Variants in DIAPH2 observed in about 807,000 individuals in gnomAD.
DIAPH2 encodes the protein diaphanous related formin 2, also known as protein diaphanous homolog 2.
In DIAPH2, 35 loss-of-function variants were observed where a neutral mutation model predicts 92.7. That is an observed-to-expected ratio of 0.38 (90% confidence interval 0.29 to 0.50). The LOEUF (loss-of-function observed/expected upper bound fraction) is 0.50, where lower values mean the gene tolerates loss of function less well. Among genes scored for constraint, DIAPH2 ranks in the 20% least tolerant of loss-of-function variants. DIAPH2 has a pLI of 0.94. For synonymous variants in DIAPH2, 301 were observed against 280.4 expected (o/e 1.07, Z -0.73); for missense variants, 701 against 819.5 (o/e 0.86, Z 1.77).
chrX:97,097,552 A>G (rs1370132029), intron 19 of DIAPH2, among the ~76,000 whole-genome samples: 3 of 112,306 alleles, frequency 2.7e-5, no homozygotes, highest in African/African-American at 3.2e-5. Context: ...TAAAATAACA[A>G]AAGTTTCACA....
At chrX:97,241,405 C>A (rs2068092361) in intron 22 of DIAPH2, among the ~76,000 whole-genome samples, 1 of 110,451 alleles carries the variant, frequency 9.1e-6, no homozygotes, top group Non-Finnish European at 1.9e-5. Context: ...TCAAGCAATT[C>A]TCCTGCCTCA....
At chrX:97,065,519 A>G (rs1445664468) in intron 17 of DIAPH2, among the ~76,000 whole-genome samples, 1 of 111,805 alleles carries the variant, frequency 8.9e-6, no homozygotes, top group African/African-American at 3.3e-5. Flanking sequence ...GTTTGTGGTG[A>G]TGTTGTTGCA....
intron 22 of DIAPH2, among the ~76,000 whole-genome samples, chrX:97,230,273 A>G (rs1395679606): frequency 8.9e-6 from 1 of 112,096 alleles, no homozygotes; most frequent in Admixed American, 9.5e-5. Context: ...AATCAACCAT[A>G]ATTATTTTTA....
intron 23 of DIAPH2, among the ~76,000 whole-genome samples, chrX:97,287,302 C>T (rs1038374835): frequency 1.2e-4 from 13 of 105,653 alleles, no homozygotes; most frequent in African/African-American, 4.2e-4. Flanking sequence ...GAAACTCCGT[C>T]GGGAAAAAAA....
rs1175131103 is a variant in DIAPH2 at position 96,728,021 on chromosome X, G to A, written c.133-7737G>A. On this transcript the variant is annotated intron_variant, in intron 1 of 26. Coordinates refer to ENST00000324765, the MANE Select transcript of DIAPH2 (RefSeq NM_006729.5). ...ATCGTGCCACTGCACTCCAGCCTGG[G>A]TGACAGAGGGAGACTCCGTCTCAAA... Among the ~76,000 whole-genome samples the A allele has an allele frequency of 6.1e-5, 6 of 98,039 alleles. No homozygotes were observed. The Admixed American group carries it at 6.7e-4, about 11-fold the overall frequency. 85.1% of individuals were successfully genotyped at this position (98,039 alleles called of 115,157 possible).
At chrX:96,915,183 A>C (rs1259763574) in intron 7 of DIAPH2, among the ~76,000 whole-genome samples, 1 of 110,784 alleles carries the variant, frequency 9.0e-6, no homozygotes, top group Non-Finnish European at 1.9e-5. Context: ...TATATATTAA[A>C]AACTACTTAT....
intron 5 of DIAPH2, among the ~76,000 whole-genome samples, chrX:96,882,046 A>G (rs1273235707): frequency 1.3e-5 from 1 of 79,202 alleles, no homozygotes; most frequent in Non-Finnish European, 2.7e-5. Flanking sequence ...TTGCTCCATG[A>G]TTTTATTCTT....
At chrX:97,061,124 G>A (rs1430031006) in intron 17 of DIAPH2, among the ~76,000 whole-genome samples, 2 of 112,245 alleles carry the variant, frequency 1.8e-5, no homozygotes, top group African/African-American at 3.2e-5. Context: ...TAGGTTACAT[G>A]TTAAAATCAG....
chrX:97,041,666 A>G (rs986971782), intron 17 of DIAPH2, among the ~76,000 whole-genome samples: 19 of 111,774 alleles, frequency 1.7e-4, no homozygotes, highest in African/African-American at 6.2e-4. Flanking sequence ...ATATTTACAT[A>G]TCTTTGATGG....
At chrX:97,433,778 A>G (rs1286239882) in intron 26 of DIAPH2, among the ~76,000 whole-genome samples, 1 of 112,209 alleles carries the variant, frequency 8.9e-6, no homozygotes, top group Non-Finnish European at 1.9e-5. Context: ...AGATTTCCTT[A>G]GTTATAAGAC....
intron 4 of DIAPH2, among the ~76,000 whole-genome samples, chrX:96,815,665 C>T (rs1422550997): frequency 9.0e-6 from 1 of 110,903 alleles, no homozygotes; most frequent in Non-Finnish European, 1.9e-5. Context: ...TTGGAGAGCT[C>T]TCTGTTTTTT....
intron 4 of DIAPH2, among the ~76,000 whole-genome samples, chrX:96,816,798 C>A (rs771786787): frequency 1.2e-3 from 135 of 112,009 alleles, no homozygotes; most frequent in African/African-American, 4.2e-3. Context: ...GCACTATTTA[C>A]AATAGTGAAG....
intron 26 of DIAPH2, among the ~76,000 whole-genome samples, chrX:97,485,822 A>G (rs2070683932): frequency 1.8e-5 from 2 of 111,341 alleles, no homozygotes. Context: ...AATTTTCAGC[A>G]TGGCCTCATT....
chrX:97,317,177 C>T (rs2147648004), intron 23 of DIAPH2, among the ~76,000 whole-genome samples: 1 of 111,911 alleles, frequency 8.9e-6, no homozygotes, highest in South Asian at 3.8e-4. Context: ...GTTACAATGT[C>T]ATAATTTGTT....
intron 3 of DIAPH2, among the ~76,000 whole-genome samples, chrX:96,748,597 G>A (rs1296470772): frequency 8.9e-6 from 1 of 112,043 alleles, no homozygotes; most frequent in East Asian, 2.8e-4. Flanking sequence ...TGAGAAGAGA[G>A]CAGTGAACAA....
Position 97,354,839 on chromosome X carries a change from A to G in DIAPH2, c.3009+6559A>G, listed in dbSNP as rs181819191. On this transcript the variant is annotated intron_variant, in intron 24 of 26. Coordinates refer to ENST00000324765, the MANE Select transcript of DIAPH2 (RefSeq NM_006729.5). ...TTCTGGAAAGTAGAAGCAGTAGAAC[A>G]AGATAATAGCAAGTTCCTAAGAGGA... Among the ~76,000 whole-genome samples the G allele has an allele frequency of 2.6e-3, 291 of 112,846 alleles. 1 individual carries two copies. Among genetic ancestry groups the G allele is most frequent in the Middle Eastern group, 0.018 (4 of 218 alleles).
chrX:97,300,384 CAT>C (rs1446820974), intron 23 of DIAPH2, among the ~76,000 whole-genome samples: 1 of 111,169 alleles, frequency 9.0e-6, no homozygotes, highest in African/African-American at 3.3e-5. Context: ...TGTCATGTCT[CAT>C]ATATTTTGTT....
At chrX:96,694,183 TTCAG>T (rs1366148858) in intron 1 of DIAPH2, among the ~76,000 whole-genome samples, 8 of 112,263 alleles carry the variant, frequency 7.1e-5, no homozygotes, top group Non-Finnish European at 1.3e-4. Flanking sequence ...TAGGTTATAG[TTCAG>T]TATGTTCATT....
At chrX:96,979,068 C>T (rs1227599099) in intron 17 of DIAPH2, among the ~76,000 whole-genome samples, 2 of 111,396 alleles carry the variant, frequency 1.8e-5, no homozygotes, top group Non-Finnish European at 3.8e-5. Context: ...GCAAGTCATT[C>T]ATAAGGAAGT....
Sources: allele counts gnomAD v4.1 joint callset (sites outside exome capture counted in the v4.1 genomes callset), GRCh38; gene constraint gnomAD v4.1.1; transcripts MANE v1.5; gene names NCBI Gene and HGNC (gene_info 2026-07-23, HGNC 2026-07-21).